NFIX: variants seen among roughly 807,000 people sequenced by gnomAD.
NFIX encodes nuclear factor 1 X-type.
A neutral mutation model predicts 53.3 loss-of-function variants in NFIX; 2 were observed. That is an observed-to-expected ratio of 0.04 (90% CI 0.02 to 0.12). The LOEUF (loss-of-function observed/expected upper bound fraction) is 0.12. NFIX is among the 10% of genes least tolerant of loss of function. The probability of loss-of-function intolerance (pLI) is 1.00; values close to 1 mark genes in which losing one functional copy is unlikely to be tolerated. For synonymous variants in NFIX, 244 were observed against 289.0 expected (o/e 0.84, Z 1.58); for missense variants, 310 against 674.5 (o/e 0.46, Z 5.99).
chr19:13,024,190 A>C (rs961121318), intron 1 of NFIX, among the ~76,000 whole-genome samples: 1 of 151,704 alleles, frequency 6.6e-6, no homozygotes, highest in African/African-American at 2.4e-5. Flanking sequence ...AAAAGGGTGA[A>C]GGGGTTGTGG....
chr19:13,083,813 C>G (rs890664718), intron 8 of NFIX, among the ~76,000 whole-genome samples: 6 of 152,326 alleles, frequency 3.9e-5, no homozygotes, highest in Non-Finnish European at 8.8e-5. Flanking sequence ...AGAGACAGCA[C>G]TGTGCTACAC....
chr19:12,996,253 G>A lies in NFIX; in HGVS notation c.27+389G>A, dbSNP rs1568247622. On this transcript the variant is annotated intron_variant, in intron 1 of 10. Transcript: ENST00000592199. This position sits in a 1 kb window ranked among gnomAD's most constrained non-coding sequence, Gnocchi z 5.2. ...TAGCGCGCACCCGGGCAGCGTGGTC[G>A]CTGGCAGTGTTTGCGGGGTTGACAG... 1.3e-5 allele frequency among the ~76,000 whole-genome samples: 2 copies of A among 151,950 alleles called. No individual in the cohort carries two copies. The highest frequency in any genetic ancestry group is 2.9e-5 in the Non-Finnish European group (2 of 67,966).
chr19:13,048,510 C>G (rs2015132751), intron 2 of NFIX, among the ~76,000 whole-genome samples: 1 of 152,008 alleles, frequency 6.6e-6, no homozygotes, highest in African/African-American at 2.4e-5. Flanking sequence ...CCCCATCTCC[C>G]CAGGTTGGAT....
rs1309454873 is a variant in NFIX at position 13,089,039 on chromosome 19, G to A, written c.1402+903G>A. Among the ~76,000 whole-genome samples, 1 of 152,094 alleles carries A rather than the reference G, an allele frequency of 6.6e-6. No individual in the cohort carries two copies. The highest frequency in any genetic ancestry group is 1.9e-4 in the East Asian group (1 of 5,182). On this transcript the variant is annotated intron_variant, in intron 9 of 10. Transcript: ENST00000592199. The surrounding 1 kb of genome is among the most constrained non-coding windows in gnomAD (Gnocchi z 4.8). ...CCAGGGCAGTTCGGTGGCGGTGGGAGGGGTGGCCCATCTCACACTGCTCTC... is the reference window on the plus strand; with the variant it reads ...CCAGGGCAGTTCGGTGGCGGTGGGAAGGGTGGCCCATCTCACACTGCTCTC...
At chr19:13,044,367 G>A (rs2014845405) in intron 2 of NFIX, among the ~76,000 whole-genome samples, 1 of 152,232 alleles carries the variant, frequency 6.6e-6, no homozygotes, top group Admixed American at 6.5e-5. Context: ...TTCCTCTGCA[G>A]GGTGTTCAGG....
intron 2 of NFIX, among the ~76,000 whole-genome samples, chr19:13,057,214 CCCT>C (rs2015754197): frequency 6.6e-6 from 1 of 152,202 alleles, no homozygotes; most frequent in East Asian, 1.9e-4. Flanking sequence ...TGGGACCTTC[CCCT>C]CCTCGGGTGG....
At chr19:13,035,920 C>T (rs2014154229) in intron 2 of NFIX, among the ~76,000 whole-genome samples, 1 of 152,198 alleles carries the variant, frequency 6.6e-6, no homozygotes, top group African/African-American at 2.4e-5. Context: ...AGCCAATGTC[C>T]CTGTCTTCTT....
intron 2 of NFIX, among the ~76,000 whole-genome samples, chr19:13,029,157 C>T (rs774947298): frequency 5.3e-5 from 8 of 152,176 alleles, no homozygotes; most frequent in South Asian, 2.1e-4. Flanking sequence ...CGCCAGATCA[C>T]GGCCAATCTC....
chr19:13,056,329 T>C (rs1489185927), intron 2 of NFIX, among the ~76,000 whole-genome samples: 2 of 152,102 alleles, frequency 1.3e-5, no homozygotes, highest in African/African-American at 4.8e-5. Context: ...CGTTTGATCC[T>C]TGGGAGGCAG....
At chr19:13,023,934 T>TCCCCCCC in intron 1 of NFIX, 1 of 495,982 alleles carries the variant, frequency 2.0e-6, no homozygotes, top group Non-Finnish European at 3.6e-6. Context: ...CCCCTGCTCC[T>TCCCCCCC]CCTCCTCCCC....
rs2011791414 is a variant in NFIX at position 13,002,847 on chromosome 19, C to T, written c.27+6983C>T. 6.6e-6 allele frequency among the ~76,000 whole-genome samples: 1 copy of T among 152,160 alleles called. No homozygotes were observed. The highest frequency in any genetic ancestry group is 1.5e-5 in the Non-Finnish European group (1 of 67,998). On this transcript the variant is annotated intron_variant, in intron 1 of 10. Coordinates refer to ENST00000592199, the MANE Select transcript of NFIX (RefSeq NM_001365902.3). This position sits in a 1 kb window ranked among gnomAD's most constrained non-coding sequence, Gnocchi z 6.1. ...AGCAGTGGGCAGGGGGCAGTGCCCA[C>T]CACCATCGCCAAGGACCCTGCCCCC...
chr19:13,017,965 C>T (rs2012755591), intron 1 of NFIX, among the ~76,000 whole-genome samples: 2 of 152,220 alleles, frequency 1.3e-5, no homozygotes, highest in African/African-American at 4.8e-5. Context: ...GTCATCTGTC[C>T]TTCACGCACT....
Position 13,088,985 on chromosome 19 carries a change from G to A in NFIX, c.1402+849G>A, listed in dbSNP as rs2017973596. On this transcript the variant is annotated intron_variant, in intron 9 of 10. Coordinates refer to ENST00000592199, the MANE Select transcript of NFIX (RefSeq NM_001365902.3). This position sits in a 1 kb window ranked among gnomAD's most constrained non-coding sequence, Gnocchi z 5.9. ...CGGGTGCTGTCTGTGGGCCAGGGTG[G>A]GCAGCTCTGGGGGTGGGCAGGCCAC... Among the ~76,000 whole-genome samples, 1 of 152,040 alleles carries A rather than the reference G, an allele frequency of 6.6e-6. No individual in the cohort carries two copies. Among genetic ancestry groups the A allele is most frequent in the Admixed American group, 6.6e-5 (1 of 15,262 alleles).
chr19:13,023,166 GGAGA>G (rs143142047), intron 1 of NFIX, among the ~76,000 whole-genome samples: 17 of 148,778 alleles, frequency 1.1e-4, no homozygotes, highest in South Asian at 2.1e-4. Context: ...GAGCCTGAAA[GGAGA>G]GAGAGAGAGG....
chr19:13,004,859 C>G, intron 1 of NFIX, among the ~76,000 whole-genome samples: 1 of 151,390 alleles, frequency 6.6e-6, no homozygotes, highest in Non-Finnish European at 1.5e-5. Context: ...CTCTGTTGCC[C>G]AGGCTAGAGT....
At chr19:13,046,390 CAA>C (rs2014983304) in intron 2 of NFIX, among the ~76,000 whole-genome samples, 1 of 152,122 alleles carries the variant, frequency 6.6e-6, no homozygotes, top group Non-Finnish European at 1.5e-5. Flanking sequence ...TTTCTGCAGA[CAA>C]AGCATGGAGA....
rs2012025504 is a variant in NFIX at position 13,006,557 on chromosome 19, G to A, written c.27+10693G>A. Among the ~76,000 whole-genome samples, 1 of 152,232 alleles carries A rather than the reference G, an allele frequency of 6.6e-6. No individual in the cohort carries two copies. Among genetic ancestry groups the A allele is most frequent in the Non-Finnish European group, 1.5e-5 (1 of 68,036 alleles). ...GGGGGATGGGGCAGGGGCAGCTGGT[G>A]GCCCAGAGTGGCACTTCCACCTGGG... On this transcript the variant is annotated intron_variant, in intron 1 of 10. Coordinates refer to ENST00000592199, the MANE Select transcript of NFIX (RefSeq NM_001365902.3). The surrounding 1 kb of genome is among the most constrained non-coding windows in gnomAD (Gnocchi z 5.6).
Position 13,094,409 on chromosome 19 carries a change from C to G in NFIX, c.1495-226C>G, listed in dbSNP as rs1238755194. Among the ~76,000 whole-genome samples the G allele has an allele frequency of 6.6e-6, 1 of 152,214 alleles. No homozygotes were observed. The highest frequency in any genetic ancestry group is 1.5e-5 in the Non-Finnish European group (1 of 68,030). ...TGCCCACGGGAAGGCCAGCTGGACT[C>G]TAGCACTAGGGGCAGAGTCTCTGAG... On this transcript the variant is annotated intron_variant, in intron 10 of 10. Transcript: ENST00000592199. The surrounding 1 kb of genome is among the most constrained non-coding windows in gnomAD (Gnocchi z 4.3).
intron 10 of NFIX, among the ~76,000 whole-genome samples, chr19:13,091,554 A>G (rs1415792376): frequency 6.6e-6 from 1 of 151,834 alleles, no homozygotes; most frequent in Non-Finnish European, 1.5e-5. Flanking sequence ...GGTTTCCAGG[A>G]GCAACCAGAC....
Sources: allele counts gnomAD v4.1 joint callset (sites outside exome capture counted in the v4.1 genomes callset), GRCh38; gene constraint gnomAD v4.1.1; non-coding constraint Gnocchi (gnomAD v3.1); transcripts MANE v1.5; gene names NCBI Gene and HGNC (gene_info 2026-07-23, HGNC 2026-07-21).